Variants in NUF2 observed in about 807,000 individuals in gnomAD.
The protein encoded by NUF2 is kinetochore protein Nuf2.
In NUF2, 34 loss-of-function variants were observed where a neutral mutation model predicts 61.8. That is an observed-to-expected ratio of 0.55 (90% CI 0.42 to 0.73). NUF2 has a LOEUF of 0.73. Ranked by LOEUF, NUF2 falls within the 30% of genes least tolerant of loss-of-function variation. The pLI, the probability that NUF2 is intolerant of heterozygous loss-of-function variation, is 0.00. For synonymous variants in NUF2, 172 were observed against 181.6 expected (o/e 0.95, Z 0.42); for missense variants, 445 against 539.1 (o/e 0.83, Z 1.73).
chr1:163,339,701 A>AT (rs1020929286), intron 8 of NUF2, among the ~76,000 whole-genome samples: 3 of 152,026 alleles, frequency 2.0e-5, no homozygotes, highest in African/African-American at 7.2e-5. Context: ...ATTGAATAGA[A>AT]TTTTTTAGGG....
At chr1:163,328,971 G>C in intron 5 of NUF2, 64 bp downstream of exon 5, 12 of 548,634 alleles carry the variant, frequency 2.2e-5, no homozygotes, top group East Asian at 3.6e-5. Context: ...CTTTCCATCA[G>C]TAAATGTAAA....
intron 11 of NUF2, among the ~76,000 whole-genome samples, chr1:163,346,470 C>T (rs906059231): frequency 5.3e-5 from 8 of 152,012 alleles, no homozygotes; most frequent in Admixed American, 1.3e-4. Flanking sequence ...CCTAGATCCT[C>T]AAGGCACTAT....
intron 6 of NUF2, among the ~76,000 whole-genome samples, chr1:163,337,170 G>A (rs937236898): frequency 2.0e-5 from 3 of 151,998 alleles, no homozygotes; most frequent in South Asian, 2.1e-4. Flanking sequence ...TGAAGTTTGC[G>A]TAGATAGTGT....
chr1:163,329,186 G>A (rs1470294945), intron 5 of NUF2, among the ~76,000 whole-genome samples: 1 of 151,912 alleles, frequency 6.6e-6, no homozygotes, highest in African/African-American at 2.4e-5. Context: ...CAAATAATAT[G>A]TAAGTATGAT....
intron 1 of NUF2, chr1:163,322,775 CA>C (rs1443072953): frequency 6.6e-6 from 1 of 152,160 alleles, no homozygotes; most frequent in Non-Finnish European, 1.5e-5. Context: ...AATGAGAAAC[CA>C]GATGAGTAAT....
intron 13 of NUF2, among the ~76,000 whole-genome samples, chr1:163,354,536 A>G (rs1474557300): frequency 6.6e-6 from 1 of 152,122 alleles, no homozygotes; most frequent in East Asian, 1.9e-4. Flanking sequence ...TTTAGGCTTA[A>G]GAAAAATTTA....
chr1:163,326,208 G>A (rs574968871), intron 2 of NUF2, 34 bp downstream of exon 2: 3 of 1,601,784 alleles, frequency 1.9e-6, no homozygotes, highest in Admixed American at 3.4e-5. Context: ...GTGGATAATG[G>A]TATTTAGGGA....
intron 1 of NUF2, among the ~76,000 whole-genome samples, chr1:163,323,263 G>A (rs1650299332): frequency 6.6e-6 from 1 of 152,204 alleles, no homozygotes; most frequent in South Asian, 2.1e-4. Context: ...CTCTAATTCA[G>A]ATGCAGCTTT....
intron 8 of NUF2, among the ~76,000 whole-genome samples, 168 bp downstream of exon 8, chr1:163,339,645 A>G (rs537304094): frequency 3.7e-4 from 57 of 152,212 alleles, no homozygotes; most frequent in African/African-American, 1.3e-3. Context: ...TCTCTCAACC[A>G]TCTAGAACCG....
intron 2 of NUF2, among the ~76,000 whole-genome samples, chr1:163,327,261 C>T (rs1307292708): frequency 2.0e-5 from 3 of 152,096 alleles, no homozygotes; most frequent in Non-Finnish European, 4.4e-5. Flanking sequence ...TATACTTGCT[C>T]TCATTCTTAA....
chr1:163,328,782 C>T (rs900273983), intron 4 of NUF2, 64 bp from the exon 5 acceptor site: 4 of 983,208 alleles, frequency 4.1e-6, no homozygotes, highest in Non-Finnish European at 6.5e-6. Context: ...ATGTTTATAT[C>T]CTATAGCTTA....
chr1:163,340,330 A>T, intron 8 of NUF2, 34 bp from the exon 9 acceptor site: 1 of 1,524,244 alleles, frequency 6.6e-7, no homozygotes, highest in Non-Finnish European at 9.0e-7. Flanking sequence ...AAATGTTTTG[A>T]ATCATTATAA....
intron 13 of NUF2, among the ~76,000 whole-genome samples, chr1:163,352,282 TGTA>T (rs1306276741): frequency 6.6e-6 from 1 of 152,264 alleles, no homozygotes; most frequent in Non-Finnish European, 1.5e-5. Context: ...CACATAATTT[TGTA>T]GTAGTCATGG....
At chr1:163,330,567 T>C (rs920435696) in intron 5 of NUF2, among the ~76,000 whole-genome samples, 2 of 152,122 alleles carry the variant, frequency 1.3e-5, no homozygotes, top group Non-Finnish European at 2.9e-5. Context: ...ATATGTATTT[T>C]AGTATTTCCA....
In NUF2 at chr1:163,345,782, A is replaced by C; in HGVS notation, c.912A>C (p.Ser304=). The part of the protein sequence containing the change: ...QLYQKKIQDL[S]DNREKLASIL... Reference sequence around the variant, plus strand: ...ATCAAAAGAAAATACAGGACCTTTCAGATAATAGGGAAAAATTAGCCAGTA... The same window carrying C: ...ATCAAAAGAAAATACAGGACCTTTCCGATAATAGGGAAAAATTAGCCAGTA... The change falls in exon 11 of 14, where the codon TCA becomes TCC. Residue 304 remains serine, a synonymous_variant. Transcript: ENST00000271452. 2.5e-6 allele frequency: 4 copies of C among 1,608,776 alleles called. No homozygotes were observed. The South Asian group carries it at 4.4e-5, about 18-fold the overall frequency.
chr1:163,355,551 A>T lies in NUF2; in HGVS notation c.*82A>T, dbSNP rs1313822869. On this transcript the variant is annotated 3_prime_UTR_variant, in exon 14 of 14. Transcript: ENST00000271452. ...AGAAAGAAAAGTTGAAGCGAATGGA[A>T]GTATCAGAAGTACCAAATAATGTTG... 2.5e-6 allele frequency: 3 copies of T among 1,196,408 alleles called. No homozygotes were observed. Among genetic ancestry groups the T allele is most frequent in the Non-Finnish European group, 3.5e-6 (3 of 856,308 alleles). 74.1% of individuals were successfully genotyped at this position (1,196,408 alleles called of 1,614,324 possible). A position where few individuals can be genotyped will look rare whatever the true frequency, so the allele number is the denominator to read the frequency against.
chr1:163,334,516 C>T (rs1650693353), intron 5 of NUF2, among the ~76,000 whole-genome samples: 1 of 152,070 alleles, frequency 6.6e-6, no homozygotes. Context: ...TGACTCTCAC[C>T]TGTAATCTTA....
chr1:163,347,875 C>T lies in NUF2; in HGVS notation c.1061C>T (p.Thr354Ile), dbSNP rs1312161515. ...ATTGTGAAGAAGGAAAAACTTGCCA[C>T]AGCACAATTCAAAATAAATAAGAAG... ...LMIVKKEKLA[T>I]AQFKINKKHE... Residue 354 changes from threonine (T) to isoleucine (I), a missense_variant, in exon 12 of 14, where the codon ACA (threonine) becomes ATA (isoleucine). Thr to Ile is a moderately conservative substitution (Grantham distance 89). Coordinates refer to ENST00000271452, the MANE Select transcript of NUF2 (RefSeq NM_145697.3). 6 of 1,610,040 alleles carry T rather than the reference C, an allele frequency of 3.7e-6. No homozygotes were observed. The highest frequency in any genetic ancestry group is 4.2e-6 in the Non-Finnish European group (5 of 1,178,686).
Position 163,355,458 on chromosome 1 carries a change from A to T in NUF2, c.1384A>T (p.Met462Leu). Residue 462 changes from methionine to leucine, a missense_variant, in exon 14 of 14, where the codon ATG becomes TTG. Met to Leu is a conservative substitution (Grantham distance 15). Coordinates refer to ENST00000271452, the MANE Select transcript of NUF2 (RefSeq NM_145697.3). ...TAELKRKMFK[M>L]ST ...TGAACTGAAGAGGAAGATGTTCAAA[A>T]TGTCAACCTGATTAACAAAATTACA... The T allele has an allele frequency of 6.3e-7, 1 of 1,591,654 alleles. No individual in the cohort carries two copies. The highest frequency in any genetic ancestry group is 1.2e-5 in the South Asian group (1 of 86,376).
Sources: allele counts gnomAD v4.1 joint callset (sites outside exome capture counted in the v4.1 genomes callset), GRCh38; gene constraint gnomAD v4.1.1; transcripts MANE v1.5; gene names NCBI Gene and HGNC (gene_info 2026-07-23, HGNC 2026-07-21).